Variants in LRBA observed in about 807,000 individuals in gnomAD.
The protein encoded by LRBA is LPS responsive beige-like anchor protein, also known as lipopolysaccharide-responsive and beige-like anchor protein.
LRBA carries 176 observed loss-of-function variants against 330.0 expected under a neutral mutation model. The ratio of observed to expected loss-of-function variants is 0.53; its 90% confidence interval spans 0.47 to 0.60. The LOEUF is 0.60. LRBA is among the 20% of genes least tolerant of loss of function. LRBA has a pLI of 0.00. For missense variants in LRBA, 3,259 were observed against 3,444.8 expected (o/e 0.95, Z 1.35); for synonymous variants, 1,230 against 1,193.0 (o/e 1.03, Z -0.64).
chr4:150,396,167 TA>T (rs1744702540), intron 47 of LRBA, among the ~76,000 whole-genome samples: 1 of 152,086 alleles, frequency 6.6e-6, no homozygotes. Context: ...CAGAACAGAA[TA>T]AAAAAGCAGA....
At chr4:150,599,938 A>C (rs1279846193) in intron 37 of LRBA, among the ~76,000 whole-genome samples, 1 of 152,156 alleles carries the variant, frequency 6.6e-6, no homozygotes, top group Admixed American at 6.5e-5. Flanking sequence ...ATGATGTGCA[A>C]TAATTGCTAT....
chr4:150,306,487 A>G (rs1178748705), intron 52 of LRBA, among the ~76,000 whole-genome samples: 2 of 152,230 alleles, frequency 1.3e-5, no homozygotes, highest in Non-Finnish European at 2.9e-5. Flanking sequence ...GAGTTTTTAT[A>G]CAAGATATTA....
At chr4:150,453,700 T>C (rs149260214) in intron 44 of LRBA, among the ~76,000 whole-genome samples, 8 of 152,220 alleles carry the variant, frequency 5.3e-5, no homozygotes, top group Non-Finnish European at 7.4e-5. Flanking sequence ...ACGTACACTA[T>C]CTATTCACAG....
chr4:150,795,171 C>G (rs62346345), intron 34 of LRBA, among the ~76,000 whole-genome samples: 1 of 151,970 alleles, frequency 6.6e-6, no homozygotes, highest in Non-Finnish European at 1.5e-5. Flanking sequence ...TTGAATGCAA[C>G]GTCAAGTCTT....
intron 34 of LRBA, among the ~76,000 whole-genome samples, chr4:150,797,502 T>C (rs1316920026): frequency 6.6e-6 from 1 of 150,612 alleles, no homozygotes; most frequent in Non-Finnish European, 1.5e-5. Context: ...TTATATAAGT[T>C]TTTTTTAAAA....
rs770242236 is a variant in LRBA, at chr4:151,014,580, T to C, written c.63A>G (p.Gly21=). The C allele has an allele frequency of 3.6e-5, 58 of 1,612,220 alleles. No homozygotes were observed. The highest frequency in any genetic ancestry group is 4.7e-5 in the Non-Finnish European group (55 of 1,179,162). Residue 21 remains glycine (G), a synonymous_variant, in exon 2 of 57, where the codon GGA becomes GGG. Transcript: ENST00000651943. ...PPPTGDDGGG[G]GREETPTEGG... ...CTTCAGTAGGGGTTTCTTCTCTCCC[T>C]CCACCTCCCCCGTCATCACCTGTTG...
At chr4:150,440,254 A>G (rs557502004) in intron 44 of LRBA, among the ~76,000 whole-genome samples, 2 of 152,196 alleles carry the variant, frequency 1.3e-5, no homozygotes, top group Non-Finnish European at 2.9e-5. Flanking sequence ...ATTAGAAAGT[A>G]TAAAAGTGGT....
intron 47 of LRBA, among the ~76,000 whole-genome samples, chr4:150,410,679 T>C (rs555583245): frequency 6.6e-6 from 1 of 152,298 alleles, no homozygotes; most frequent in South Asian, 2.1e-4. Context: ...AGGGATATTG[T>C]CTCTTATTCA....
intron 2 of LRBA, among the ~76,000 whole-genome samples, chr4:150,965,494 T>A (rs114844669): frequency 0.011 from 1,626 of 152,218 alleles, 18 homozygotes; most frequent in Middle Eastern, 0.051. Flanking sequence ...AATAATACTT[T>A]TCAGGTTTTC....
rs150092281 is a variant in LRBA, at chr4:150,590,723, C to T, written c.6183G>A (p.Glu2061=). ...AACCACCAAATTTACCGGCAAGATT[C>T]TCTAAATCTTTCTCATCCACGGATG... ...TLSSVDEKDL[E]NLAGPVSLST... is the part of the protein sequence containing the mutation. The change falls in exon 39 of 57, where the codon GAG becomes GAA. Residue 2061 remains glutamate (E), a synonymous_variant. Coordinates refer to ENST00000651943, the MANE Select transcript of LRBA (RefSeq NM_001364905.1). 3 of 1,613,434 alleles carry T rather than the reference C, an allele frequency of 1.9e-6. No homozygotes were observed. In the African/African-American group the frequency reaches 4.0e-5, roughly 22 times the overall value.
At chr4:150,633,906 G>A (rs1362868708) in intron 37 of LRBA, among the ~76,000 whole-genome samples, 1 of 152,184 alleles carries the variant, frequency 6.6e-6, no homozygotes. Context: ...CCTGAGGTCA[G>A]GAGTTCGAGA....
chr4:150,561,025 A>C (rs1193607945), intron 40 of LRBA, among the ~76,000 whole-genome samples: 1 of 152,138 alleles, frequency 6.6e-6, no homozygotes, highest in Non-Finnish European at 1.5e-5. Context: ...ATGCTAGCTG[A>C]AACTACAGTA....
At chr4:150,371,372 T>C (rs1740292106) in intron 47 of LRBA, among the ~76,000 whole-genome samples, 1 of 151,822 alleles carries the variant, frequency 6.6e-6, no homozygotes, top group Non-Finnish European at 1.5e-5. Flanking sequence ...TTTGTATTTT[T>C]AGTAAAGATG....
intron 40 of LRBA, among the ~76,000 whole-genome samples, chr4:150,559,861 T>TAAA (rs1328387513): frequency 1.4e-4 from 3 of 21,204 alleles, no homozygotes; most frequent in African/African-American, 2.7e-4. Flanking sequence ...TATATAATTA[T>TAAA]ATATAATATA....
chr4:150,454,543 T>C (rs1435160978), intron 44 of LRBA, among the ~76,000 whole-genome samples: 1 of 151,988 alleles, frequency 6.6e-6, no homozygotes, highest in Non-Finnish European at 1.5e-5. Context: ...TCTATAACTT[T>C]CCCAATTTAC....
intron 47 of LRBA, among the ~76,000 whole-genome samples, chr4:150,361,810 G>A (rs376045342): frequency 2.0e-3 from 278 of 141,800 alleles, no homozygotes; most frequent in African/African-American, 7.0e-3. Context: ...TCACTCTGTC[G>A]CCCAGGCTGG....
chr4:150,895,804 TG>T (rs1366934423), intron 16 of LRBA, among the ~76,000 whole-genome samples: 1 of 152,180 alleles, frequency 6.6e-6, no homozygotes, highest in Non-Finnish European at 1.5e-5. Context: ...TACCCAGTAA[TG>T]GGATGGCTGG....
chr4:150,857,962 A>G (rs1241577246), intron 22 of LRBA, among the ~76,000 whole-genome samples: 2 of 152,174 alleles, frequency 1.3e-5, no homozygotes, highest in Non-Finnish European at 2.9e-5. Flanking sequence ...AAATACGATC[A>G]CATTTTGTTA....
At chr4:150,507,016 AC>A (rs1452875218) in intron 40 of LRBA, among the ~76,000 whole-genome samples, 11 of 151,870 alleles carry the variant, frequency 7.2e-5, no homozygotes, top group Admixed American at 4.6e-4. Context: ...AATCCAACTT[AC>A]AAGGGATGTG....
Sources: allele counts gnomAD v4.1 joint callset (sites outside exome capture counted in the v4.1 genomes callset), GRCh38; gene constraint gnomAD v4.1.1; transcripts MANE v1.5; gene names NCBI Gene and HGNC (gene_info 2026-07-23, HGNC 2026-07-21).